The following AMN1 variants were observed in gnomAD, a reference collection of about 807,000 sequenced individuals.
AMN1 encodes the protein protein AMN1 homolog.
In AMN1, 20 loss-of-function variants were observed where a neutral mutation model predicts 33.0. That is an observed-to-expected ratio of 0.61 (90% CI 0.43 to 0.88). The LOEUF is 0.88. Ranked by LOEUF, AMN1 falls within the 40% of genes least tolerant of loss-of-function variation. The pLI is 0.00. For synonymous variants in AMN1, 114 were observed against 111.9 expected, an observed-to-expected ratio of 1.02 and a Z score of -0.12; for missense variants, 246 against 307.4, an observed-to-expected ratio of 0.80 and a Z score of 1.49.
chr12:31,683,511 C>T lies in AMN1; in HGVS notation c.703+5496G>A, dbSNP rs887827950. Among the ~76,000 whole-genome samples the T allele has an allele frequency of 3.3e-5, 5 of 152,154 alleles. No homozygotes were observed. Among genetic ancestry groups the T allele is most frequent in the African/African-American group, 7.2e-5 (3 of 41,434 alleles). On this transcript the variant is annotated intron_variant, in intron 6 of 6. Coordinates refer to ENST00000281471, the MANE Select transcript of AMN1 (RefSeq NM_001113402.2). The surrounding 1 kb of genome is among the most constrained non-coding windows in gnomAD (Gnocchi z 4.1). ...TGTAGCTCCCACAATTCCCATGTGTCGTGAGAGGGACCCGGTGGGAGGTAA... is the reference window on the plus strand; with the variant it reads ...TGTAGCTCCCACAATTCCCATGTGTTGTGAGAGGGACCCGGTGGGAGGTAA...
Position 31,689,093 on chromosome 12 carries a change from T to C in AMN1, c.617A>G (p.Asn206Ser), listed in dbSNP as rs538283167. Residue 206 changes from asparagine (N) to serine (S), a missense_variant, in exon 6 of 7, where the codon AAT becomes AGT. By Grantham distance (46) the Asn-to-Ser change is conservative. Coordinates refer to ENST00000281471, the MANE Select transcript of AMN1 (RefSeq NM_001113402.2). ...AGCTTCGACAGCCCCATCAGTCAGA[T>C]TTACACAATGTCCCATATGAATCTC... ...LEEIHMGHCV[N>S]LTDGAVEAVL... is the part of the protein sequence containing the mutation. 31 of 1,612,982 alleles carry C rather than the reference T, an allele frequency of 1.9e-5. 1 individual carries two copies. The South Asian group carries it at 3.4e-4, about 18-fold the overall frequency.
At chr12:31,673,741 C>G in intron 6 of AMN1, 1 of 332,816 alleles carries the variant, frequency 3.0e-6, no homozygotes, top group Admixed American at 3.9e-5. Context: ...CACCAGCACA[C>G]CAAATCCAGC....
At chr12:31,698,969 C>A (rs1938858649) in intron 3 of AMN1, among the ~76,000 whole-genome samples, 1 of 152,002 alleles carries the variant, frequency 6.6e-6, no homozygotes, top group African/African-American at 2.4e-5. Flanking sequence ...CCTAGATAGC[C>A]TAAGGTTGGG....
intron 5 of AMN1, among the ~76,000 whole-genome samples, chr12:31,692,586 TA>T (rs76963075): frequency 1.1e-3 from 168 of 152,154 alleles, no homozygotes; most frequent in African/African-American, 3.7e-3. Context: ...TTAGGACTGT[TA>T]AAAAAATATT....
chr12:31,697,284 T>A, intron 5 of AMN1, 77 bp downstream of exon 5: 1 of 1,277,898 alleles, frequency 7.8e-7, no homozygotes, highest in South Asian at 1.4e-5. Flanking sequence ...GCATTGGTTA[T>A]CCGCTAGGTT....
chr12:31,679,618 T>A (rs1375571955), intron 6 of AMN1, among the ~76,000 whole-genome samples: 1 of 152,188 alleles, frequency 6.6e-6, no homozygotes, highest in Non-Finnish European at 1.5e-5. Flanking sequence ...AGCGGCAGAT[T>A]TCCTGTTGGA....
chr12:31,693,299 G>A (rs112933185), intron 5 of AMN1, among the ~76,000 whole-genome samples: 3,870 of 151,888 alleles, frequency 0.025, 63 homozygotes, highest in Middle Eastern at 0.048. Flanking sequence ...GTGCAATTGC[G>A]TGATCTTAGC....
intron 1 of AMN1, chr12:31,719,304 G>T: frequency 1.0e-6 from 1 of 971,574 alleles, no homozygotes; most frequent in Non-Finnish European, 1.2e-6. Context: ...TAGCCATCTT[G>T]GAAGTGACCT....
chr12:31,682,963 CTTTTTTTTT>C (rs34868408), intron 6 of AMN1, among the ~76,000 whole-genome samples: 36 of 137,848 alleles, frequency 2.6e-4, no homozygotes, highest in Admixed American at 5.9e-4. Context: ...GTATGCTATT[CTTTTTTTTT>C]TTTTTTTTGA....
rs141748664 is a variant in AMN1 at position 31,720,396 on chromosome 12, C to T, written c.38+8575G>A. On this transcript the variant is annotated intron_variant, in intron 1 of 6. Transcript: ENST00000281471. ...TCTCTACCAAAAATACAAAATTAGC[C>T]GGGTGTGGTGGCAGGTGCCTGTAAT... Among the ~76,000 whole-genome samples, 476 of 152,192 alleles carry T rather than the reference C, an allele frequency of 3.1e-3. 2 individuals carry two copies. Among genetic ancestry groups the T allele is most frequent in the African/African-American group, 0.011 (458 of 41,526 alleles).
chr12:31,705,918 T>C (rs568791989), intron 2 of AMN1, among the ~76,000 whole-genome samples: 19 of 152,266 alleles, frequency 1.2e-4, no homozygotes, highest in Non-Finnish European at 2.6e-4. Flanking sequence ...TTCCATTCTA[T>C]AAAATCCCCA....
intron 1 of AMN1, among the ~76,000 whole-genome samples, chr12:31,725,538 G>C (rs1940028940): frequency 6.6e-6 from 1 of 152,158 alleles, no homozygotes; most frequent in Admixed American, 6.5e-5. Context: ...AACATGGACT[G>C]CTTCTAATGT....
At chr12:31,686,240 G>C (rs1024062964) in intron 6 of AMN1, among the ~76,000 whole-genome samples, 8 of 152,308 alleles carry the variant, frequency 5.3e-5, no homozygotes, top group South Asian at 2.1e-4. Context: ...GAGGTCAGGA[G>C]TTCAAGACCA....
chr12:31,724,323 A>G (rs1186622786), intron 1 of AMN1, among the ~76,000 whole-genome samples: 1 of 152,196 alleles, frequency 6.6e-6, no homozygotes, highest in East Asian at 1.9e-4. Flanking sequence ...TTGTTAAGTA[A>G]TATCAGGGTT....
At chr12:31,701,762 ACTT>A (rs1939012722) in intron 3 of AMN1, 98 bp downstream of exon 3, 1 of 959,076 alleles carries the variant, frequency 1.0e-6, no homozygotes, top group South Asian at 2.0e-5. Context: ...TATTTCTCTG[ACTT>A]CTTCATACTC....
intron 2 of AMN1, among the ~76,000 whole-genome samples, chr12:31,707,851 G>A (rs1939308303): frequency 1.3e-5 from 2 of 152,176 alleles, no homozygotes; most frequent in South Asian, 2.1e-4. Context: ...GGACCAGCTG[G>A]AGCCATGGCA....
rs529586735 is a variant in AMN1, at chr12:31,688,066, G to A, written c.703+941C>T. 3.9e-5 allele frequency among the ~76,000 whole-genome samples: 6 copies of A among 152,172 alleles called. No homozygotes were observed. The East Asian group carries it at 7.7e-4, about 20-fold the overall frequency. On this transcript the variant is annotated intron_variant, in intron 6 of 6. Transcript: ENST00000281471. ...ACCTCCCGAGTTCAAGTGATTCTCC[G>A]TCCTCAATCTCCCGAGTAGCTGGGA...
intron 6 of AMN1, among the ~76,000 whole-genome samples, chr12:31,675,501 T>C (rs1951367386): frequency 7.0e-6 from 1 of 142,018 alleles, no homozygotes; most frequent in South Asian, 2.2e-4. Flanking sequence ...ATATCCACAC[T>C]TTTTTTTTTT....
chr12:31,712,748 C>T (rs894801432), intron 1 of AMN1, among the ~76,000 whole-genome samples: 9 of 152,200 alleles, frequency 5.9e-5, no homozygotes, highest in African/African-American at 1.4e-4. Flanking sequence ...CTCTGCCTTC[C>T]GGGTTCAAGC....
Sources: gnomAD v4.1 joint callset for allele counts (sites outside exome capture counted in the v4.1 genomes callset) on GRCh38, gnomAD v4.1.1 for gene constraint, Gnocchi (gnomAD v3.1) non-coding constraint, MANE v1.5 for transcripts, NCBI Gene and HGNC (gene_info 2026-07-23, HGNC 2026-07-21) for gene names.